Variants in SLC35F5 observed in about 807,000 individuals in gnomAD.
The protein encoded by SLC35F5 is HCV NS5A-transactivated protein 3.
A neutral mutation model predicts 68.6 loss-of-function variants in SLC35F5; 54 were observed. The observed-to-expected ratio is 0.79, with a 90% confidence interval of 0.63 to 0.99. The LOEUF is 0.99. Among genes scored for constraint, SLC35F5 ranks in the 50% least tolerant of loss-of-function variants. The probability of loss-of-function intolerance (pLI) is 0.00; values close to 1 mark genes in which losing one functional copy is unlikely to be tolerated. For synonymous variants in SLC35F5, 211 were observed against 205.2 expected (o/e 1.03, Z -0.24); for missense variants, 567 against 626.9 (o/e 0.90, Z 1.02).
At chr2:113,739,402 G>A (rs897024827) in intron 7 of SLC35F5, among the ~76,000 whole-genome samples, 1 of 152,050 alleles carries the variant, frequency 6.6e-6, no homozygotes, top group South Asian at 2.1e-4. Flanking sequence ...GCAGTTGGTT[G>A]GATCCAAGGA....
At chr2:113,742,384 T>C (rs868304367) in intron 7 of SLC35F5, 3 of 443,490 alleles carry the variant, frequency 6.8e-6, no homozygotes, top group Non-Finnish European at 1.2e-5. Context: ...AATAACTCTA[T>C]TCATAATTTT....
At position 113,724,158 on chromosome 2, in the gene SLC35F5, C is replaced by T. The variant is rs773349028; in HGVS notation, c.1251-964G>A. Among the ~76,000 whole-genome samples, 274 of 152,226 alleles carry T rather than the reference C, an allele frequency of 1.8e-3. 1 individual carries two copies. The highest frequency in any genetic ancestry group is 3.2e-3 in the Non-Finnish European group (219 of 67,998). ...TAAAGGAAACAAGTACTTGTGGTTC[C>T]CACTACTTAGCTGCTCTGTGAAAAG... On this transcript the variant is annotated intron_variant, in intron 12 of 15. Transcript: ENST00000245680.
intron 4 of SLC35F5, among the ~76,000 whole-genome samples, chr2:113,747,329 A>C (rs1252532176): frequency 6.6e-6 from 1 of 151,804 alleles, no homozygotes; most frequent in Non-Finnish European, 1.5e-5. Flanking sequence ...TCTGGATCAC[A>C]CTTTAAGAAT....
intron 13 of SLC35F5, among the ~76,000 whole-genome samples, chr2:113,721,761 A>G (rs1687448381): frequency 1.3e-5 from 2 of 152,120 alleles, no homozygotes; most frequent in African/African-American, 4.8e-5. Context: ...ATGATGTGTA[A>G]TAATGTGCAA....
At chr2:113,754,899 GT>G (rs1676902276) in intron 3 of SLC35F5, among the ~76,000 whole-genome samples, 1 of 151,978 alleles carries the variant, frequency 6.6e-6, no homozygotes, top group South Asian at 2.1e-4. Context: ...AAAGCCACGA[GT>G]TACACTTTCA....
chr2:113,754,566 C>T (rs1676889869), intron 3 of SLC35F5, among the ~76,000 whole-genome samples: 1 of 152,064 alleles, frequency 6.6e-6, no homozygotes, highest in African/African-American at 2.4e-5. Flanking sequence ...AACTAGCTTG[C>T]AAATTCAAAA....
At chr2:113,751,354 T>C (rs1389240353) in intron 3 of SLC35F5, among the ~76,000 whole-genome samples, 1 of 152,240 alleles carries the variant, frequency 6.6e-6, no homozygotes, top group Non-Finnish European at 1.5e-5. Flanking sequence ...TTTGTTTGTT[T>C]GTTTGTTTTT....
intron 12 of SLC35F5, among the ~76,000 whole-genome samples, chr2:113,723,502 G>T (rs1220315662): frequency 6.6e-6 from 1 of 151,814 alleles, no homozygotes; most frequent in East Asian, 1.9e-4. Flanking sequence ...TTAAAAAACT[G>T]TTGAACAGTT....
At chr2:113,733,390 CTTCT>C (rs1687969764) in intron 9 of SLC35F5, 1 of 361,460 alleles carries the variant, frequency 2.8e-6, no homozygotes, top group East Asian at 1.2e-4. Context: ...TATCCATTTC[CTTCT>C]TTATCAAGTC....
intron 1 of SLC35F5, chr2:113,755,804 A>C: frequency 6.6e-7 from 1 of 1,514,624 alleles, no homozygotes; most frequent in Non-Finnish European, 9.0e-7. Context: ...AGAACAGTTA[A>C]CTACCAGAAA....
At chr2:113,717,584 A>C (rs761041668) in intron 15 of SLC35F5, 169 bp downstream of exon 15, 1 of 456,696 alleles carries the variant, frequency 2.2e-6, no homozygotes, top group Admixed American at 3.9e-5. Context: ...AACCTTGCAC[A>C]GGGCCACACA....
intron 3 of SLC35F5, among the ~76,000 whole-genome samples, chr2:113,754,647 T>A (rs17632866): frequency 0.1 from 15,697 of 152,240 alleles, 918 homozygotes; most frequent in Non-Finnish European, 0.13. Flanking sequence ...AGATACAATT[T>A]AACTGAAGGA....
intron 7 of SLC35F5, chr2:113,741,897 A>T (rs193267996): frequency 1.3e-5 from 2 of 152,294 alleles, no homozygotes; most frequent in East Asian, 3.9e-4. Context: ...CATTAAAAAA[A>T]TTTTATAATC....
chr2:113,736,259 T>A (rs535430354), intron 7 of SLC35F5, among the ~76,000 whole-genome samples: 2 of 149,636 alleles, frequency 1.3e-5, no homozygotes, highest in Non-Finnish European at 3.0e-5. Flanking sequence ...GGCAACACAG[T>A]GAAACCCCAT....
At chr2:113,747,103 G>A (rs1325476739) in intron 4 of SLC35F5, among the ~76,000 whole-genome samples, 2 of 151,710 alleles carry the variant, frequency 1.3e-5, no homozygotes, top group Admixed American at 6.6e-5. Context: ...CCTGGCCAAC[G>A]TGGTGAAACC....
intron 13 of SLC35F5, among the ~76,000 whole-genome samples, chr2:113,722,795 A>T (rs1015044532): frequency 6.6e-6 from 1 of 152,248 alleles, no homozygotes; most frequent in African/African-American, 2.4e-5. Flanking sequence ...AGAAACTAAA[A>T]TGCTTGTATG....
downstream of SLC35F5, among the ~76,000 whole-genome samples, chr2:113,702,791 T>C (rs1026786320): frequency 6.6e-6 from 1 of 152,128 alleles, no homozygotes; most frequent in African/African-American, 2.4e-5. Flanking sequence ...TTAAAAATCA[T>C]AGCAAATAGC....
intron 7 of SLC35F5, among the ~76,000 whole-genome samples, chr2:113,738,669 A>C (rs1368450166): frequency 1.3e-5 from 2 of 152,094 alleles, no homozygotes; most frequent in East Asian, 3.9e-4. Flanking sequence ...GAAAAAAAAA[A>C]AACAACCTAG....
In SLC35F5 at chr2:113,755,239, T is replaced by G; in HGVS notation, c.199A>C (p.Arg67=). The part of the protein sequence containing the change: ...NSQNSGFTQR[R]RMALGIVILL... ...ATAACAATCCCAAGAGCCATTCGCCTGCGCTGAGTGAAACCACTGTTCTGG... is the reference window on the plus strand; with the variant it reads ...ATAACAATCCCAAGAGCCATTCGCCGGCGCTGAGTGAAACCACTGTTCTGG... The change falls in exon 3 of 16, where the codon AGG becomes CGG. Residue 67 remains arginine (R), a synonymous_variant. Transcript: ENST00000245680. 6.2e-7 allele frequency: 1 copy of G among 1,614,102 alleles called. No homozygotes were observed. The highest frequency in any genetic ancestry group is 8.5e-7 in the Non-Finnish European group (1 of 1,180,008).
Sources: gnomAD v4.1 joint callset for allele counts (sites outside exome capture counted in the v4.1 genomes callset) on GRCh38, gnomAD v4.1.1 for gene constraint, MANE v1.5 for transcripts, NCBI Gene and HGNC (gene_info 2026-07-23, HGNC 2026-07-21) for gene names.